The following TRMU variants were observed in gnomAD, a reference collection of about 807,000 sequenced individuals.
TRMU encodes the protein mitochondrial tRNA-specific 2-thiouridylase 1.
TRMU carries 49 observed loss-of-function variants against 46.9 expected under a neutral mutation model. The observed-to-expected ratio is 1.05, with a 90% confidence interval of 0.83 to 1.33. The LOEUF is 1.33. TRMU is among the 40% of genes most tolerant of loss of function. The pLI, the probability that TRMU is intolerant of heterozygous loss-of-function variation, is 0.00. For synonymous variants in TRMU, 241 were observed against 200.9 expected, an observed-to-expected ratio of 1.20 and a Z score of -1.69; for missense variants, 572 against 532.4, an observed-to-expected ratio of 1.07 and a Z score of -0.73.
intron 1 of TRMU, 153 bp downstream of exon 1, chr22:46,335,999 C>T (rs1024036811): frequency 6.9e-7 from 1 of 1,452,430 alleles, no homozygotes; most frequent in Non-Finnish European, 9.1e-7. Context: ...GACTTTGGTT[C>T]GGAGGCTCCT....
rs2077992078 is a variant in TRMU, at chr22:46,336,849, G to A, written c.83-930G>A. Among the ~76,000 whole-genome samples, 1 of 152,122 alleles carries A rather than the reference G, an allele frequency of 6.6e-6. No individual in the cohort carries two copies. Among genetic ancestry groups the A allele is most frequent in the South Asian group, 2.1e-4 (1 of 4,822 alleles). On this transcript the variant is annotated intron_variant, in intron 1 of 10. Transcript: ENST00000645190. The surrounding 1 kb of genome is among the most constrained non-coding windows in gnomAD (Gnocchi z 4.1). ...CTCAGCTGAGTCGAAAGAAGAGTAG[G>A]ATGTCACTAAGCAGAGACTTGGAGG...
At chr22:46,341,843 G>C (rs565619262) in intron 2 of TRMU, among the ~76,000 whole-genome samples, 64 of 152,348 alleles carry the variant, frequency 4.2e-4, no homozygotes, top group African/African-American at 1.5e-3. Context: ...TCTCAGAAGT[G>C]TGTGTTTGTC....
intron 7 of TRMU, 72 bp from the exon 8 acceptor site, chr22:46,353,695 C>G (rs1601984491): frequency 7.0e-7 from 1 of 1,427,570 alleles, no homozygotes; most frequent in East Asian, 2.3e-5. Flanking sequence ...CCAGCATCTG[C>G]CTTCATGATG....
rs777715661 is a variant in TRMU at position 46,352,125 on chromosome 22, T to C, written c.656T>C (p.Met219Thr). ...LHHVLQKKES[M>T]GMCFIGKRNF... ...GCTGCCGTCTTCTCATTTCAGAGCA[T>C]GGGCATGTGTTTCATCGGGAAGAGG... Residue 219 changes from methionine to threonine, a missense_variant, in exon 6 of 11, where the codon ATG becomes ACG. Physicochemically the swap from Met to Thr is moderately conservative, Grantham distance 81. Transcript: ENST00000645190. The C allele has an allele frequency of 5.6e-6, 9 of 1,613,318 alleles. No individual in the cohort carries two copies. In the East Asian group the frequency reaches 8.9e-5, roughly 16 times the overall value.
Position 46,348,568 on chromosome 22 carries a change from A to G in TRMU, c.479-1723A>G, listed in dbSNP as rs1443294562. Among the ~76,000 whole-genome samples, 2 of 152,168 alleles carry G rather than the reference A, an allele frequency of 1.3e-5. No individual in the cohort carries two copies. The highest frequency in any genetic ancestry group is 6.5e-5 in the Admixed American group (1 of 15,286). ...TGACTGGGCTGATTTTCCCCCACAC[A>G]GCGTGCTACCACCGGCCTGGCAGAG... is the stretch of plus-strand genomic sequence containing the variant. On this transcript the variant is annotated intron_variant, in intron 4 of 10. Transcript: ENST00000645190. This position sits in a 1 kb window ranked among gnomAD's most constrained non-coding sequence, Gnocchi z 4.8.
intron 10 of TRMU, 78 bp from the exon 11 acceptor site, chr22:46,356,764 A>G: frequency 1.3e-6 from 2 of 1,561,880 alleles, no homozygotes; most frequent in Non-Finnish European, 1.8e-6. Flanking sequence ...GCCAGGCCCC[A>G]TAGGGGAGCA....
Position 46,337,764 on chromosome 22 carries a change from C to A in TRMU, c.83-15C>A, listed in dbSNP as rs1006432829. ...TGATTTATGTATTCTCTTTAATTGACCTTCCCGCCCGCAGGTTACCAGGTG... is the reference window on the plus strand; with the variant it reads ...TGATTTATGTATTCTCTTTAATTGAACTTCCCGCCCGCAGGTTACCAGGTG... On this transcript the variant is annotated splice_polypyrimidine_tract_variant and intron_variant, in intron 1 of 10. Transcript: ENST00000645190. The A allele has an allele frequency of 1.2e-6, 2 of 1,614,062 alleles. No homozygotes were observed. Among genetic ancestry groups the A allele is most frequent in the African/African-American group, 1.3e-5 (1 of 74,920 alleles).
intron 7 of TRMU, 135 bp downstream of exon 7, chr22:46,352,465 G>A (rs942167056): frequency 3.9e-5 from 42 of 1,074,856 alleles, no homozygotes; most frequent in Middle Eastern, 4.9e-4. Context: ...TGGGGCGGCC[G>A]GGGGCGGGCA....
rs945086416 is a variant in TRMU at position 46,356,863 on chromosome 22, G to A, written c.1123G>A (p.Asp375Asn). 1.9e-6 allele frequency: 3 copies of A among 1,613,276 alleles called. No homozygotes were observed. The highest frequency in any genetic ancestry group is 2.7e-5 in the African/African-American group (2 of 74,930). Residue 375 changes from aspartate to asparagine, a missense_variant, in exon 11 of 11, where the codon GAC (aspartate) becomes AAC (asparagine). Transcript: ENST00000645190. ...ACAGTTTGCTGTGTTCTACAAGGGG[G>A]ACGAGTGCCTGGGCAGCGGGAAGAT... ...TGQFAVFYKGDECLGSGKILR... is the reference protein window; with the variant it reads ...TGQFAVFYKGNECLGSGKILR...
At position 46,350,987 on chromosome 22, in the gene TRMU, G is replaced by A. The variant is rs188963057; in HGVS notation, c.651+524G>A. ...CGCCCGCGAGTGGGGGACACAGGCAGGAGGCCAATCAGTGTAAACCTAGAA... is the reference window on the plus strand; with the variant it reads ...CGCCCGCGAGTGGGGGACACAGGCAAGAGGCCAATCAGTGTAAACCTAGAA... On this transcript the variant is annotated intron_variant, in intron 5 of 10. Coordinates refer to ENST00000645190, the MANE Select transcript of TRMU (RefSeq NM_018006.5). This position sits in a 1 kb window ranked among gnomAD's most constrained non-coding sequence, Gnocchi z 4.6. Among the ~76,000 whole-genome samples the A allele has an allele frequency of 8.5e-5, 13 of 152,364 alleles. No homozygotes were observed. Among genetic ancestry groups the A allele is most frequent in the Admixed American group, 2.0e-4 (3 of 15,310 alleles).
Position 46,351,881 on chromosome 22 carries a change from G to T in TRMU, c.652-240G>T. On this transcript the variant is annotated intron_variant, in intron 5 of 10. Coordinates refer to ENST00000645190, the MANE Select transcript of TRMU (RefSeq NM_018006.5). This position sits in a 1 kb window ranked among gnomAD's most constrained non-coding sequence, Gnocchi z 6.4. ...TCTTCCCCGGGGCAGCTGGTGTGAGGGTCTCCCGCGCAGGGTCAGACCCCG... is the reference window on the plus strand; with the variant it reads ...TCTTCCCCGGGGCAGCTGGTGTGAGTGTCTCCCGCGCAGGGTCAGACCCCG... 1.6e-6 allele frequency: 1 copy of T among 612,848 alleles called. No individual in the cohort carries two copies. The highest frequency in any genetic ancestry group is 2.9e-6 in the Non-Finnish European group (1 of 342,126). The allele number at this position is 612,848 out of a possible 1,614,324, so 38.0% of individuals were successfully genotyped here.
At chr22:46,343,390 C>G in intron 3 of TRMU, 22 bp downstream of exon 3, 1 of 1,570,190 alleles carries the variant, frequency 6.4e-7, no homozygotes. Flanking sequence ...GGGTTTAAAA[C>G]ATTTTTTTTT....
At chr22:46,354,335 A>AGCG (rs1245377524) in intron 8 of TRMU, 1 of 185,292 alleles carries the variant, frequency 5.4e-6, no homozygotes, top group African/African-American at 2.3e-5. Flanking sequence ...AGGGCCGCTC[A>AGCG]GTGGCGGCAA....
At chr22:46,352,586 T>A in intron 7 of TRMU, 1 of 575,910 alleles carries the variant, frequency 1.7e-6, no homozygotes, top group Non-Finnish European at 3.1e-6. Flanking sequence ...GGAAGGACTA[T>A]ACTCTGTGAG....
In TRMU at chr22:46,350,453, A is replaced by C. The variant is rs2078384731; in HGVS notation, c.641A>C (p.Gln214Pro). The C allele has an allele frequency of 1.2e-6, 2 of 1,613,476 alleles. No individual in the cohort carries two copies. Among genetic ancestry groups the C allele is most frequent in the African/African-American group, 2.7e-5 (2 of 74,932 alleles). Residue 214 changes from glutamine to proline, a missense_variant, in exon 5 of 11, where the codon CAG (glutamine) becomes CCG (proline). By Grantham distance (76) the Gln-to-Pro change is moderately conservative. Coordinates refer to ENST00000645190, the MANE Select transcript of TRMU (RefSeq NM_018006.5). The surrounding 1 kb of genome is among the most constrained non-coding windows in gnomAD (Gnocchi z 4.6). ...AAENRLHHVL[Q>P]KKESMGMCFI... Reference sequence around the variant, plus strand: ...GAGAATAGACTTCATCATGTGCTTCAGAAGAAAGAGGTACGAGTGAGCAGT... The same window carrying C: ...GAGAATAGACTTCATCATGTGCTTCCGAAGAAAGAGGTACGAGTGAGCAGT...
Position 46,350,181 on chromosome 22 carries a change from GC to G in TRMU, c.479-108del. The G allele has an allele frequency of 1.5e-6, 2 of 1,345,894 alleles. No homozygotes were observed. Among genetic ancestry groups the G allele is most frequent in the Non-Finnish European group, 2.1e-6 (2 of 951,480 alleles). The allele number at this position is 1,345,894 out of a possible 1,614,324, so 83.4% of individuals were successfully genotyped here. A position where few individuals can be genotyped will look rare whatever the true frequency, so the allele number is the denominator to read the frequency against. On this transcript the variant is annotated intron_variant, in intron 4 of 10. Transcript: ENST00000645190. This position sits in a 1 kb window ranked among gnomAD's most constrained non-coding sequence, Gnocchi z 4.6. The stretch of plus-strand genomic sequence containing the variant: ...TAGTTGCTATTGAGTGTTGATGTCT[GC>G]CTCTGACAGGCTAGGGGTAGTCTGT...
Position 46,351,844 on chromosome 22 carries a change from C to T in TRMU, c.652-277C>T, listed in dbSNP as rs1456399191. 9.2e-6 allele frequency: 5 copies of T among 541,716 alleles called. No individual in the cohort carries two copies. Among genetic ancestry groups the T allele is most frequent in the Non-Finnish European group, 1.3e-5 (4 of 299,870 alleles). The allele number at this position is 541,716 out of a possible 1,614,324, so 33.6% of individuals were successfully genotyped here. On this transcript the variant is annotated intron_variant, in intron 5 of 10. Transcript: ENST00000645190. This position sits in a 1 kb window ranked among gnomAD's most constrained non-coding sequence, Gnocchi z 6.4. ...AGGACAGTGGCCTGAAGGACCTGAC[C>T]GGGTTCTGCTTTCTTCCCCGGGGCA...
intron 3 of TRMU, among the ~76,000 whole-genome samples, chr22:46,344,876 G>T (rs1038545804): frequency 3.0e-4 from 46 of 152,284 alleles, no homozygotes; most frequent in African/African-American, 1.1e-3. Context: ...ATGAGATTAT[G>T]TGTCTCTAAA....
In TRMU at chr22:46,352,153, T is replaced by C. The variant is rs2078448828; in HGVS notation, c.684T>C (p.Asn228=). The change falls in exon 6 of 11, where the codon AAT becomes AAC. Residue 228 remains asparagine (N), a synonymous_variant. Transcript: ENST00000645190. ...SMGMCFIGKR[N]FEHFLLQYLQ... is the part of the protein sequence containing the mutation. ...GCATGTGTTTCATCGGGAAGAGGAA[T>C]TTTGAACATTTCCTTCTTCAGGTGC... 1 of 1,613,908 alleles carries C rather than the reference T, an allele frequency of 6.2e-7. No individual in the cohort carries two copies. Among genetic ancestry groups the C allele is most frequent in the Admixed American group, 1.7e-5 (1 of 60,002 alleles).
Sources: gnomAD v4.1 joint callset for allele counts (sites outside exome capture counted in the v4.1 genomes callset) on GRCh38, gnomAD v4.1.1 for gene constraint, Gnocchi (gnomAD v3.1) non-coding constraint, MANE v1.5 for transcripts, NCBI Gene and HGNC (gene_info 2026-07-23, HGNC 2026-07-21) for gene names.